The following PTER variants were observed in gnomAD, a reference collection of about 807,000 sequenced individuals.
PTER encodes the protein phosphotriesterase related, also known as N-acetyltaurine hydrolase.
In PTER, 38 loss-of-function variants were observed where a neutral mutation model predicts 29.6. The observed-to-expected ratio is 1.28, with a 90% confidence interval of 0.99 to 1.68. The LOEUF is 1.68. PTER is among the 40% of genes most tolerant of loss of function. The pLI, the probability that PTER is intolerant of heterozygous loss-of-function variation, is 0.00. For missense variants in PTER, 482 were observed against 427.8 expected, an observed-to-expected ratio of 1.13 and a Z score of -1.12; for synonymous variants, 172 against 154.5, an observed-to-expected ratio of 1.11 and a Z score of -0.84.
chr10:16,497,127 G>T (rs1836141592), intron 3 of PTER, among the ~76,000 whole-genome samples: 1 of 151,998 alleles, frequency 6.6e-6, no homozygotes, highest in African/African-American at 2.4e-5. Flanking sequence ...TAGAGACGAG[G>T]TCTCACCATG....
intron 3 of PTER, among the ~76,000 whole-genome samples, chr10:16,500,832 T>C (rs1222378224): frequency 6.6e-6 from 1 of 151,948 alleles, no homozygotes; most frequent in African/African-American, 2.4e-5. Context: ...CCTTGAACTC[T>C]TGGGCTCAAG....
intron 3 of PTER, among the ~76,000 whole-genome samples, chr10:16,497,910 C>T (rs1836174437): frequency 6.6e-6 from 1 of 151,142 alleles, no homozygotes; most frequent in Non-Finnish European, 1.5e-5. Context: ...AGCCGAATCA[C>T]TTTGGACACC....
At chr10:16,446,406 G>T (rs1003118213) in intron 1 of PTER, among the ~76,000 whole-genome samples, 1 of 152,024 alleles carries the variant, frequency 6.6e-6, no homozygotes, top group Admixed American at 6.6e-5. Flanking sequence ...TTTTACTAGA[G>T]ACGTGTTTCC....
chr10:16,455,018 C>T (rs757963360), intron 1 of PTER, among the ~76,000 whole-genome samples: 1 of 152,022 alleles, frequency 6.6e-6, no homozygotes, highest in Admixed American at 6.6e-5. Context: ...CACTTAAGCC[C>T]AGGAGTTGAA....
At chr10:16,463,402 C>T (rs1412425055) in intron 1 of PTER, among the ~76,000 whole-genome samples, 1 of 151,842 alleles carries the variant, frequency 6.6e-6, no homozygotes. Context: ...ACAGGTGATG[C>T]ATATTTTCTT....
At chr10:16,517,981 C>CTCTTAGAGGGAACTGCAT (rs568674634), downstream of PTER, among the ~76,000 whole-genome samples, 669 of 152,260 alleles carry the variant, frequency 4.4e-3, 7 homozygotes, top group African/African-American at 0.015. Flanking sequence ...GCATTTCTCT[C>CTCTTAGAGGGAACTGCAT]TCTTAGAGGG....
the PTER span, among the ~76,000 whole-genome samples, chr10:16,518,805 C>A: frequency 1.3e-5 from 2 of 152,030 alleles, no homozygotes; most frequent in Non-Finnish European, 2.9e-5. Flanking sequence ...CAGAAGAGAG[C>A]CAATTTGCAA....
chr10:16,470,283 A>G (rs777783207), intron 1 of PTER, among the ~76,000 whole-genome samples: 3 of 152,206 alleles, frequency 2.0e-5, no homozygotes, highest in Non-Finnish European at 4.4e-5. Flanking sequence ...AAGCTTAGTC[A>G]ATGAACAAAA....
At chr10:16,439,503 A>T (rs1833773785) in intron 1 of PTER, among the ~76,000 whole-genome samples, 2 of 152,156 alleles carry the variant, frequency 1.3e-5, no homozygotes, top group South Asian at 4.1e-4. Context: ...GATCCCTGTG[A>T]CTATTTTAAG....
downstream of PTER, chr10:16,514,407 C>T (rs1588639716): frequency 3.1e-5 from 23 of 735,568 alleles, no homozygotes; most frequent in East Asian, 5.8e-4. Flanking sequence ...CATTTGATTT[C>T]CCCACATATA....
Position 16,484,820 on chromosome 10 carries a change from A to T in PTER, c.432+4A>T. Reference sequence around the variant, plus strand: ...CAGGGCCATGTCAGTGGAGCAGGTAAAAAGCCTAAGTTCTTTGACAGTATT... The same window carrying T: ...CAGGGCCATGTCAGTGGAGCAGGTATAAAGCCTAAGTTCTTTGACAGTATT... On this transcript the variant is annotated splice_donor_region_variant and intron_variant, in intron 2 of 4. Transcript: ENST00000535784. 1 of 1,584,678 alleles carries T rather than the reference A, an allele frequency of 6.3e-7. No individual in the cohort carries two copies. Among genetic ancestry groups the T allele is most frequent in the Non-Finnish European group, 8.5e-7 (1 of 1,169,610 alleles).
intron 1 of PTER, among the ~76,000 whole-genome samples, chr10:16,461,093 T>G (rs1297575033): frequency 2.6e-5 from 4 of 152,186 alleles, no homozygotes; most frequent in Admixed American, 6.6e-5. Flanking sequence ...GATTTTTCAC[T>G]TGCATAATTA....
intron 1 of PTER, among the ~76,000 whole-genome samples, chr10:16,451,067 C>T (rs969022951): frequency 6.6e-6 from 1 of 152,112 alleles, no homozygotes; most frequent in Non-Finnish European, 1.5e-5. Flanking sequence ...GACCAAAGGC[C>T]CAAGAGCCCC....
intron 4 of PTER, among the ~76,000 whole-genome samples, chr10:16,505,886 T>C (rs1276629538): frequency 1.3e-5 from 2 of 152,150 alleles, no homozygotes; most frequent in South Asian, 2.1e-4. Context: ...CCCTAAGATA[T>C]GGTTTGTATG....
intron 4 of PTER, among the ~76,000 whole-genome samples, chr10:16,507,546 G>C (rs1836623237): frequency 6.6e-6 from 1 of 152,170 alleles, no homozygotes; most frequent in South Asian, 2.1e-4. Flanking sequence ...GGTCATAGTT[G>C]GGACATCCTG....
intron 1 of PTER, among the ~76,000 whole-genome samples, chr10:16,469,269 A>G (rs1834959067): frequency 6.6e-6 from 1 of 152,158 alleles, no homozygotes. Flanking sequence ...AAGTCCAGGA[A>G]AGGGCAGGTG....
At chr10:16,495,168 CTTT>C (rs3047217) in intron 3 of PTER, among the ~76,000 whole-genome samples, 2 of 132,200 alleles carry the variant, frequency 1.5e-5, no homozygotes. Flanking sequence ...TTTGGAATTA[CTTT>C]TTTTTTTTTT....
Position 16,484,573 on chromosome 10 carries a change from C to T in PTER, c.189C>T (p.Asn63=), listed in dbSNP as rs370210254. ...VMKNLYWIQK[N]AYSHKENLQL... is the part of the protein sequence containing the mutation. ...AAAATTTATATTGGATTCAGAAAAA[C>T]GCCTATTCCCATAAAGAAAACCTTC... Residue 63 remains asparagine (N), a synonymous_variant, in exon 2 of 5, where the codon AAC becomes AAT. Transcript: ENST00000535784. 23 of 1,613,844 alleles carry T rather than the reference C, an allele frequency of 1.4e-5. No individual in the cohort carries two copies. Among genetic ancestry groups the T allele is most frequent in the South Asian group, 5.5e-5 (5 of 91,066 alleles).
intron 1 of PTER, among the ~76,000 whole-genome samples, chr10:16,473,107 T>G (rs912152379): frequency 5.9e-5 from 9 of 152,296 alleles, no homozygotes; most frequent in South Asian, 4.1e-4. Flanking sequence ...CGTTTGGCTC[T>G]TTCATTCTTT....
Sources: allele counts gnomAD v4.1 joint callset (sites outside exome capture counted in the v4.1 genomes callset), GRCh38; gene constraint gnomAD v4.1.1; transcripts MANE v1.5; gene names NCBI Gene and HGNC (gene_info 2026-07-23, HGNC 2026-07-21).